Variants in SLC38A3 observed in about 807,000 individuals in gnomAD.
SLC38A3 encodes the protein solute carrier family 38 member 3, also known as sodium-coupled neutral amino acid transporter 3.
A neutral mutation model predicts 59.5 loss-of-function variants in SLC38A3; 17 were observed. The ratio of observed to expected loss-of-function variants is 0.29; its 90% CI spans 0.20 to 0.43. The LOEUF is 0.43. Among genes scored for constraint, SLC38A3 ranks in the 20% least tolerant of loss-of-function variants. The pLI, the probability that SLC38A3 is intolerant of heterozygous loss-of-function variation, is 1.00. For synonymous variants in SLC38A3, 238 were observed against 260.3 expected, an observed-to-expected ratio of 0.91 and a Z score of 0.82; for missense variants, 454 against 653.9, an observed-to-expected ratio of 0.69 and a Z score of 3.33.
Position 50,213,392 on chromosome 3 carries a change from G to C in SLC38A3, c.-51-757G>C, listed in dbSNP as rs1366122071. Among the ~76,000 whole-genome samples the C allele has an allele frequency of 2.0e-5, 3 of 152,316 alleles. No individual in the cohort carries two copies. The East Asian group carries it at 5.8e-4, about 29-fold the overall frequency. ...ACTGTGTGGAGGGTGAGGTGTGTGTGGCACAGAGAACTGGCCCTGGAGCAC... is the reference window on the plus strand; with the variant it reads ...ACTGTGTGGAGGGTGAGGTGTGTGTCGCACAGAGAACTGGCCCTGGAGCAC... On this transcript the variant is annotated intron_variant, in intron 1 of 15. Transcript: ENST00000614032.
chr3:50,214,323 G>A lies in SLC38A3; in HGVS notation c.101+23G>A. On this transcript the variant is annotated intron_variant, in intron 2 of 15. Transcript: ENST00000614032. This position sits in a 1 kb window ranked among gnomAD's most constrained non-coding sequence, Gnocchi z 6.0. ...GAGGTGAGTACCAGAGGGACCCAGT[G>A]GTGGCTGAAGACAGGGCAGGGCAGG... 1 of 1,612,630 alleles carries A rather than the reference G, an allele frequency of 6.2e-7. No homozygotes were observed. The highest frequency in any genetic ancestry group is 1.1e-5 in the South Asian group (1 of 90,856).
At chr3:50,208,879 C>T (rs1699683264) in intron 1 of SLC38A3, among the ~76,000 whole-genome samples, 1 of 152,246 alleles carries the variant, frequency 6.6e-6, no homozygotes, top group African/African-American at 2.4e-5. Context: ...GTCTATCTCT[C>T]TTCCCTCCCT....
rs767402083 is a variant in SLC38A3, at chr3:50,218,922, A to G, written c.1280A>G (p.Asn427Ser). Residue 427 changes from asparagine (N) to serine (S), a missense_variant, in exon 14 of 16, where the codon AAC becomes AGC. Physicochemically the swap from Asn to Ser is conservative, Grantham distance 46. Transcript: ENST00000614032. The surrounding 1 kb of genome is among the most constrained non-coding windows in gnomAD (Gnocchi z 5.8). ...CINLLVIFAP[N>S]ILGIFGVIGA... ...AACCTGCTGGTCATCTTTGCCCCCA[A>G]CATCCTGGGCATCTTTGGGGTCATC... is the stretch of plus-strand genomic sequence containing the variant. 1.2e-6 allele frequency: 2 copies of G among 1,612,312 alleles called. No homozygotes were observed. Among genetic ancestry groups the G allele is most frequent in the East Asian group, 2.2e-5 (1 of 44,820 alleles).
In SLC38A3 at chr3:50,215,978, G is replaced by A. The variant is rs1040741408; in HGVS notation, c.548+157G>A. On this transcript the variant is annotated intron_variant, in intron 7 of 15. Transcript: ENST00000614032. This position sits in a 1 kb window ranked among gnomAD's most constrained non-coding sequence, Gnocchi z 7.1. ...GCTGGTGGAGTGGGGAGAGTTGCCC[G>A]CAGAGCCAGCATTCAGTTCACACTC... Among the ~76,000 whole-genome samples, 2 of 152,150 alleles carry A rather than the reference G, an allele frequency of 1.3e-5. No individual in the cohort carries two copies. Among genetic ancestry groups the A allele is most frequent in the South Asian group, 2.1e-4 (1 of 4,828 alleles).
chr3:50,206,791 G>T (rs1209920870), intron 1 of SLC38A3, among the ~76,000 whole-genome samples: 3 of 152,190 alleles, frequency 2.0e-5, no homozygotes, highest in Non-Finnish European at 2.9e-5. Flanking sequence ...CCATGTCTTC[G>T]CTGGCTTCTC....
chr3:50,218,245 C>CG lies in SLC38A3; in HGVS notation c.936-25_936-24insG. 1.4e-6 allele frequency: 2 copies of CG among 1,421,980 alleles called. No individual in the cohort carries two copies. The highest frequency in any genetic ancestry group is 2.0e-6 in the Non-Finnish European group (2 of 1,003,230). The allele number at this position is 1,421,980 out of a possible 1,614,324, so 88.1% of individuals were successfully genotyped here. Reference sequence around the variant, plus strand: ...CCAATGTTACCCAGCTTGTCACCAACACCCACCCCCCCACTTCCCCACAGC... The same window carrying CG: ...CCAATGTTACCCAGCTTGTCACCAACGACCCACCCCCCCACTTCCCCACAGC... On this transcript the variant is annotated intron_variant, in intron 11 of 15. Coordinates refer to ENST00000614032, the MANE Select transcript of SLC38A3 (RefSeq NM_006841.6). This position sits in a 1 kb window ranked among gnomAD's most constrained non-coding sequence, Gnocchi z 5.8.
In SLC38A3 at chr3:50,209,879, C is replaced by T. The variant is rs115250992; in HGVS notation, c.-51-4270C>T. 6.4e-3 allele frequency among the ~76,000 whole-genome samples: 967 copies of T among 152,248 alleles called. 3 individuals are homozygous for T. Among genetic ancestry groups the T allele is most frequent in the Non-Finnish European group, 0.01 (706 of 68,004 alleles). On this transcript the variant is annotated intron_variant, in intron 1 of 15. Transcript: ENST00000614032. ...CCTGGATATGCCCCCGCCTGCATGT[C>T]ACTTCTTCAGTATTAGCCCAGTGTT...
chr3:50,220,541 C>A lies in SLC38A3; in HGVS notation c.*364C>A. ...TAGGAACATACACAGCTGGGATCAG[C>A]CTGCAGCCATCCCCCGACCCTGCTG... On this transcript the variant is annotated 3_prime_UTR_variant, in exon 16 of 16. Transcript: ENST00000614032. 3.8e-6 allele frequency: 1 copy of A among 265,534 alleles called. No homozygotes were observed. The highest frequency in any genetic ancestry group is 7.3e-6 in the Non-Finnish European group (1 of 137,152). 16.4% of individuals were successfully genotyped at this position (265,534 alleles called of 1,614,324 possible).
chr3:50,220,243 C>A lies in SLC38A3; in HGVS notation c.*66C>A. ...CTGCCCAGACTCTTCAGCCCCTGCT[C>A]CCATCCAGTGGCCAGTCGGGGGAGG... On this transcript the variant is annotated 3_prime_UTR_variant, in exon 16 of 16. Coordinates refer to ENST00000614032, the MANE Select transcript of SLC38A3 (RefSeq NM_006841.6). The A allele has an allele frequency of 8.0e-7, 1 of 1,244,578 alleles. No homozygotes were observed. The highest frequency in any genetic ancestry group is 1.1e-6 in the Non-Finnish European group (1 of 873,398). 77.1% of individuals were successfully genotyped at this position (1,244,578 alleles called of 1,614,324 possible).
At position 50,215,754 on chromosome 3, in the gene SLC38A3, C is replaced by A; in HGVS notation, c.481C>A (p.Leu161Met). The A allele has an allele frequency of 6.2e-7, 1 of 1,602,680 alleles. No homozygotes were observed. Among genetic ancestry groups the A allele is most frequent in the East Asian group, 2.3e-5 (1 of 44,376 alleles). The change falls in exon 7 of 16, where the codon CTG becomes ATG. Residue 161 changes from leucine to methionine, a missense_variant. Physicochemically the swap from Leu to Met is conservative, Grantham distance 15. Around this residue, in one of 3 missense-constraint regions of SLC38A3, gnomAD observed 390 missense variants for 557.9 expected, o/e 0.70. Coordinates refer to ENST00000614032, the MANE Select transcript of SLC38A3 (RefSeq NM_006841.6). The surrounding 1 kb of genome is among the most constrained non-coding windows in gnomAD (Gnocchi z 7.1). The stretch of plus-strand genomic sequence containing the variant: ...TCTCCCCACAGCCATGTCCAGCTAC[C>A]TGTACATCATCAAGTCTGAGCTGCC... Reference protein sequence around the residue: ...LQNIGAMSSYLYIIKSELPLV... With the variant: ...LQNIGAMSSYMYIIKSELPLV...
At position 50,217,235 on chromosome 3, in the gene SLC38A3, C is replaced by T; in HGVS notation, c.549-3C>T. 2 of 1,609,756 alleles carry T rather than the reference C, an allele frequency of 1.2e-6. No individual in the cohort carries two copies. The highest frequency in any genetic ancestry group is 1.3e-5 in the African/African-American group (1 of 74,992). On this transcript the variant is annotated splice_region_variant and splice_polypyrimidine_tract_variant and intron_variant, in intron 7 of 15. Transcript: ENST00000614032. The surrounding 1 kb of genome is among the most constrained non-coding windows in gnomAD (Gnocchi z 4.9). ...CCCTGGCTCCCGACTCATGTCCCTGCAGGGACTGGTACATGAACGGGAACT... is the reference window on the plus strand; with the variant it reads ...CCCTGGCTCCCGACTCATGTCCCTGTAGGGACTGGTACATGAACGGGAACT...
chr3:50,217,513 G>C lies in SLC38A3; in HGVS notation c.690+40G>C. The C allele has an allele frequency of 6.2e-7, 1 of 1,603,206 alleles. No homozygotes were observed. The highest frequency in any genetic ancestry group is 8.5e-7 in the Non-Finnish European group (1 of 1,173,838). ...ATGTTGGCTGAGAAAGCGGGCAGCGGGTCTCCTGGGGGAGTTCCCTGTCAT... is the reference window on the plus strand; with the variant it reads ...ATGTTGGCTGAGAAAGCGGGCAGCGCGTCTCCTGGGGGAGTTCCCTGTCAT... On this transcript the variant is annotated intron_variant, in intron 9 of 15. Transcript: ENST00000614032. This position sits in a 1 kb window ranked among gnomAD's most constrained non-coding sequence, Gnocchi z 4.9.
chr3:50,214,561 TG>T lies in SLC38A3; in HGVS notation c.183+81del. ...GTAATGAGGTGGTCTCTGGCAGCAG[TG>T]GGAGGCTGAGGGACAGTCAGGGGAA... is the stretch of plus-strand genomic sequence containing the variant. On this transcript the variant is annotated intron_variant, in intron 3 of 15. Transcript: ENST00000614032. The surrounding 1 kb of genome is among the most constrained non-coding windows in gnomAD (Gnocchi z 6.0). The T allele has an allele frequency of 6.8e-7, 1 of 1,480,848 alleles. No homozygotes were observed. The highest frequency in any genetic ancestry group is 9.3e-7 in the Non-Finnish European group (1 of 1,080,486). The allele number at this position is 1,480,848 out of a possible 1,614,324, so 91.7% of individuals were successfully genotyped here. A position where few individuals can be genotyped will look rare whatever the true frequency, so the allele number is the denominator to read the frequency against.
chr3:50,214,745 C>A lies in SLC38A3; in HGVS notation c.276C>A (p.Ala92=). The A allele has an allele frequency of 6.2e-7, 1 of 1,611,466 alleles. No homozygotes were observed. Among genetic ancestry groups the A allele is most frequent in the Non-Finnish European group, 8.5e-7 (1 of 1,178,214 alleles). Residue 92 remains alanine, a synonymous_variant, in exon 4 of 16, where the codon GCC becomes GCA. Coordinates refer to ENST00000614032, the MANE Select transcript of SLC38A3 (RefSeq NM_006841.6). This position sits in a 1 kb window ranked among gnomAD's most constrained non-coding sequence, Gnocchi z 6.0. ...SGILGLAYAM[A]NTGIILFLFL... The stretch of plus-strand genomic sequence containing the variant: ...TCCTGGGACTCGCCTATGCCATGGC[C>A]AATACGGGCATTATCCTTTTCCTGT...
intron 7 of SLC38A3, among the ~76,000 whole-genome samples, chr3:50,216,221 A>G (rs1175064515): frequency 6.6e-6 from 1 of 152,228 alleles, no homozygotes; most frequent in Non-Finnish European, 1.5e-5. Context: ...CACTTTAGCC[A>G]GCATTGACTG....
chr3:50,213,287 C>T (rs1211292802), intron 1 of SLC38A3, among the ~76,000 whole-genome samples: 1 of 152,140 alleles, frequency 6.6e-6, no homozygotes, highest in Non-Finnish European at 1.5e-5. Flanking sequence ...CACTCCTGGA[C>T]AGCGGGCCCC....
chr3:50,210,726 C>T (rs1230297959), intron 1 of SLC38A3, among the ~76,000 whole-genome samples: 3 of 152,208 alleles, frequency 2.0e-5, no homozygotes, highest in East Asian at 1.9e-4. Context: ...GCGGGCGTTA[C>T]CTGCTGCGCC....
chr3:50,210,226 G>C (rs114161271), intron 1 of SLC38A3, among the ~76,000 whole-genome samples: 4 of 152,152 alleles, frequency 2.6e-5, no homozygotes, highest in Non-Finnish European at 5.9e-5. Flanking sequence ...GACTTAGGAG[G>C]GGGGCACCCT....
chr3:50,218,174 G>A lies in SLC38A3; in HGVS notation c.936-96G>A, dbSNP rs965349774. ...AAGGAGACTCCCTCAGATGCTGAAT[G>A]GTGAAAGTATGGTGCCAGAGAGAGC... On this transcript the variant is annotated intron_variant, in intron 11 of 15. Coordinates refer to ENST00000614032, the MANE Select transcript of SLC38A3 (RefSeq NM_006841.6). The surrounding 1 kb of genome is among the most constrained non-coding windows in gnomAD (Gnocchi z 5.8). 1.8e-6 allele frequency: 2 copies of A among 1,091,914 alleles called. No individual in the cohort carries two copies. Among genetic ancestry groups the A allele is most frequent in the South Asian group, 1.3e-5 (1 of 76,398 alleles). 67.6% of individuals were successfully genotyped at this position (1,091,914 alleles called of 1,614,324 possible). A position where few individuals can be genotyped will look rare whatever the true frequency, so the allele number is the denominator to read the frequency against.
Sources: allele counts gnomAD v4.1 joint callset (sites outside exome capture counted in the v4.1 genomes callset), GRCh38; gene constraint gnomAD v4.1.1; regional missense constraint gnomAD v4.1.1; non-coding constraint Gnocchi (gnomAD v3.1); transcripts MANE v1.5; gene names NCBI Gene and HGNC (gene_info 2026-07-23, HGNC 2026-07-21).